Variants in RUSC2 observed in about 807,000 individuals in gnomAD.
The protein encoded by RUSC2 is AP-4 complex accessory subunit RUSC2.
Under a neutral mutation model 122.2 loss-of-function variants are expected in RUSC2, and 34 were observed. That is an observed-to-expected ratio of 0.28 (90% CI 0.21 to 0.37). RUSC2 has a LOEUF of 0.37. Among genes scored for constraint, RUSC2 ranks in the 10% least tolerant of loss-of-function variants. The probability of loss-of-function intolerance (pLI) is 1.00; values close to 1 mark genes in which losing one functional copy is unlikely to be tolerated. For synonymous variants in RUSC2, 784 were observed against 790.0 expected (o/e 0.99, Z 0.13); for missense variants, 1,747 against 1,952.4 (o/e 0.89, Z 1.98).
At chr9:35,490,650 C>T (rs1353303989) in intron 1 of RUSC2, among the ~76,000 whole-genome samples, 1 of 152,154 alleles carries the variant, frequency 6.6e-6, no homozygotes, top group Non-Finnish European at 1.5e-5. Flanking sequence ...GGGTCCTCTG[C>T]TCCCTCCACC....
intron 1 of RUSC2, among the ~76,000 whole-genome samples, chr9:35,515,999 C>CAAAAAAAAAAAAAAAAAAAAAAAAAA (rs544797957): frequency 2.1e-5 from 1 of 47,198 alleles, no homozygotes; most frequent in Non-Finnish European, 3.7e-5. Flanking sequence ...ATTCTTGTCT[C>CAAAAAAAAAAAAAAAAAAAAAAAAAA]AAAAAAAAAA....
intron 1 of RUSC2, among the ~76,000 whole-genome samples, chr9:35,497,504 A>G (rs1053390832): frequency 2.0e-5 from 3 of 152,170 alleles, no homozygotes; most frequent in Admixed American, 6.5e-5. Flanking sequence ...TACCAGCCAT[A>G]TATCCGAATA....
chr9:35,500,008 T>C (rs917319459), intron 1 of RUSC2, among the ~76,000 whole-genome samples: 2 of 152,242 alleles, frequency 1.3e-5, no homozygotes, highest in Non-Finnish European at 2.9e-5. Context: ...AAGTTGGCTG[T>C]ATTCTATTTA....
intron 1 of RUSC2, among the ~76,000 whole-genome samples, chr9:35,535,508 T>C (rs1006151263): frequency 1.4e-4 from 21 of 151,674 alleles, no homozygotes; most frequent in Admixed American, 1.1e-3. Context: ...CCACCACTTA[T>C]TCTGATTTAC....
At chr9:35,550,617 C>A (rs1821871234) in intron 2 of RUSC2, among the ~76,000 whole-genome samples, 1 of 149,924 alleles carries the variant, frequency 6.7e-6, no homozygotes, top group South Asian at 2.1e-4. Flanking sequence ...CAGAGTGAGA[C>A]TCTGTCTCAA....
chr9:35,554,732 C>T (rs1050589637), intron 2 of RUSC2, among the ~76,000 whole-genome samples: 6 of 132,310 alleles, frequency 4.5e-5, no homozygotes, highest in Non-Finnish European at 6.7e-5. Context: ...GGAGTCATCC[C>T]GTAGAAGTCT....
intron 1 of RUSC2, among the ~76,000 whole-genome samples, chr9:35,500,075 G>A (rs1161887222): frequency 6.6e-6 from 1 of 152,160 alleles, no homozygotes; most frequent in African/African-American, 2.4e-5. Context: ...GATAGCTAGA[G>A]TTTTTCTATA....
At chr9:35,554,977 C>T in intron 2 of RUSC2, 83 bp from the exon 3 acceptor site, 1 of 1,529,982 alleles carries the variant, frequency 6.5e-7, no homozygotes, top group Non-Finnish European at 8.9e-7. Context: ...CCCCTCTCCC[C>T]TCTCCCATCT....
chr9:35,495,784 A>T (rs1439594298), intron 1 of RUSC2, among the ~76,000 whole-genome samples: 1 of 152,130 alleles, frequency 6.6e-6, no homozygotes, highest in Non-Finnish European at 1.5e-5. Context: ...TAATGATAGC[A>T]AGTTTTCCAA....
At chr9:35,549,430 G>T (rs1821839959) in intron 2 of RUSC2, among the ~76,000 whole-genome samples, 1 of 152,116 alleles carries the variant, frequency 6.6e-6, no homozygotes, top group South Asian at 2.1e-4. Context: ...TGTTAAGGTG[G>T]TGCTAGTGAC....
At position 35,560,929 on chromosome 9, in the gene RUSC2, G is replaced by T. The variant is rs780693732; in HGVS notation, c.4212-31G>T. ...CAGGGCACGGGCAGAGCCCATCCTGGGCAGAGCCTGAGTCCAGCTGCTGTC... is the reference window on the plus strand; with the variant it reads ...CAGGGCACGGGCAGAGCCCATCCTGTGCAGAGCCTGAGTCCAGCTGCTGTC... On this transcript the variant is annotated intron_variant, in intron 10 of 11. Transcript: ENST00000361226. The T allele has an allele frequency of 2.5e-6, 4 of 1,608,698 alleles. No homozygotes were observed. In the African/African-American group the frequency reaches 4.0e-5, roughly 16 times the overall value.
rs2295842 is a variant in RUSC2 at position 35,559,216 on chromosome 9, C to T, written c.3342-10C>T. 303,937 of 1,604,626 alleles carry T rather than the reference C, an allele frequency of 0.19. 30,086 individuals are homozygous for T. Among genetic ancestry groups the T allele is most frequent in the East Asian group, 0.33 (14,762 of 44,790 alleles). On this transcript the variant is annotated splice_polypyrimidine_tract_variant and intron_variant, in intron 8 of 11. Transcript: ENST00000361226. ...ACAAGACTCAACTCTCTTCACCTGT[C>T]TCCCTACAGCATCCGGTCCCTGGAG...
intron 1 of RUSC2, among the ~76,000 whole-genome samples, chr9:35,513,903 CATATATAT>C (rs3068511): frequency 0.037 from 3,843 of 104,166 alleles, 159 homozygotes; most frequent in East Asian, 0.19. Context: ...CTTCAACAAA[CATATATAT>C]ATATATATAT....
intron 1 of RUSC2, among the ~76,000 whole-genome samples, chr9:35,498,156 TG>T (rs150284840): frequency 0.05 from 4,587 of 91,762 alleles, 112 homozygotes; most frequent in Middle Eastern, 0.11. Context: ...ATTTTAGTTT[TG>T]GTTTTTTTTT....
At chr9:35,491,909 G>A (rs372185418) in intron 1 of RUSC2, among the ~76,000 whole-genome samples, 1 of 152,276 alleles carries the variant, frequency 6.6e-6, no homozygotes, top group Non-Finnish European at 1.5e-5. Context: ...GGAGGCAGAT[G>A]TTGCAGTGAG....
At chr9:35,507,064 C>G (rs1363414828) in intron 1 of RUSC2, among the ~76,000 whole-genome samples, 1 of 152,112 alleles carries the variant, frequency 6.6e-6, no homozygotes, top group Non-Finnish European at 1.5e-5. Context: ...CTGCAGTGAG[C>G]TGTGATTATA....
intron 1 of RUSC2, among the ~76,000 whole-genome samples, chr9:35,522,577 A>G (rs1821236622): frequency 1.3e-5 from 2 of 152,238 alleles, no homozygotes; most frequent in African/African-American, 4.8e-5. Flanking sequence ...AAATTGGGCT[A>G]TTACCCCTGA....
At chr9:35,502,629 C>A (rs1301730975) in intron 1 of RUSC2, among the ~76,000 whole-genome samples, 1 of 151,990 alleles carries the variant, frequency 6.6e-6, no homozygotes, top group Non-Finnish European at 1.5e-5. Context: ...GAAATATATG[C>A]TCACTGTAGA....
chr9:35,494,231 C>G (rs1042611352), intron 1 of RUSC2, among the ~76,000 whole-genome samples: 1 of 151,768 alleles, frequency 6.6e-6, no homozygotes, highest in Non-Finnish European at 1.5e-5. Flanking sequence ...TTTGGGAGGC[C>G]GAGGCGGGCG....
Sources: allele counts gnomAD v4.1 joint callset (sites outside exome capture counted in the v4.1 genomes callset), GRCh38; gene constraint gnomAD v4.1.1; transcripts MANE v1.5; gene names NCBI Gene and HGNC (gene_info 2026-07-23, HGNC 2026-07-21).